Variants in EXD2 observed in about 807,000 individuals in gnomAD.
The protein encoded by EXD2 is exonuclease 3'-5' domain containing 2.
Under a neutral mutation model 62.5 loss-of-function variants are expected in EXD2, and 40 were observed. The observed-to-expected ratio is 0.64, with a 90% CI of 0.50 to 0.83. The LOEUF (loss-of-function observed/expected upper bound fraction) is 0.83. EXD2 is among the 40% of genes least tolerant of loss of function. The probability of loss-of-function intolerance (pLI) is 0.00; values close to 1 mark genes in which losing one functional copy is unlikely to be tolerated. For missense variants in EXD2, 671 were observed against 761.8 expected (o/e 0.88, Z 1.40); for synonymous variants, 239 against 291.9 (o/e 0.82, Z 1.85).
intron 3 of EXD2, among the ~76,000 whole-genome samples, chr14:69,222,908 A>T (rs2043233987): frequency 6.6e-6 from 1 of 152,218 alleles, no homozygotes; most frequent in African/African-American, 2.4e-5. Flanking sequence ...GCTTCAGTTG[A>T]AAAGACATAT....
Position 69,225,846 on chromosome 14 carries a change from A to T in EXD2, c.334-2970A>T, listed in dbSNP as rs552128834. On this transcript the variant is annotated intron_variant, in intron 3 of 9. Coordinates refer to ENST00000685843, the MANE Select transcript of EXD2 (RefSeq NM_001193360.2). The stretch of plus-strand genomic sequence containing the variant: ...CATTATTCTTCCAATTATATATTCA[A>T]TATAAGTTATGTACCTAGTGGAATC... Among the ~76,000 whole-genome samples the T allele has an allele frequency of 3.2e-4, 49 of 152,334 alleles. 1 individual carries two copies. The highest frequency in any genetic ancestry group is 3.4e-3 in the Middle Eastern group (1 of 294).
At chr14:69,201,679 T>TG (rs1566816512) in intron 1 of EXD2, among the ~76,000 whole-genome samples, 7 of 129,940 alleles carry the variant, frequency 5.4e-5, no homozygotes, top group African/African-American at 2.2e-4. Flanking sequence ...TCTGTTTTTT[T>TG]TTTTTTTTTT....
chr14:69,202,714 C>G (rs1385458660), intron 1 of EXD2, among the ~76,000 whole-genome samples: 2 of 152,164 alleles, frequency 1.3e-5, no homozygotes, highest in Non-Finnish European at 2.9e-5. Flanking sequence ...ATGTTATTTT[C>G]TCTGAAAACA....
chr14:69,220,959 T>C (rs2043165942), intron 3 of EXD2, among the ~76,000 whole-genome samples: 1 of 152,094 alleles, frequency 6.6e-6, no homozygotes, highest in Non-Finnish European at 1.5e-5. Context: ...CTCAAATTCC[T>C]GGGCTCAAGC....
At chr14:69,222,086 CAA>C (rs749899197) in intron 3 of EXD2, among the ~76,000 whole-genome samples, 12 of 129,372 alleles carry the variant, frequency 9.3e-5, no homozygotes, top group Admixed American at 7.9e-5. Flanking sequence ...GACTCTATCT[CAA>C]AAAAAAAAAA....
chr14:69,198,946 T>A (rs1330223650), intron 1 of EXD2, among the ~76,000 whole-genome samples: 1 of 152,198 alleles, frequency 6.6e-6, no homozygotes, highest in Non-Finnish European at 1.5e-5. Flanking sequence ...AAATGTGGTA[T>A]AAAAGCTAAA....
At chr14:69,235,908 T>A (rs1472775713) in intron 6 of EXD2, 138 bp from the exon 7 acceptor site, 1 of 750,692 alleles carries the variant, frequency 1.3e-6, no homozygotes, top group African/African-American at 1.7e-5. Flanking sequence ...TTTCTCACTC[T>A]GTTTTTTCCA....
chr14:69,236,725 C>A (rs1472860447), intron 8 of EXD2, among the ~76,000 whole-genome samples, 183 bp downstream of exon 8: 1 of 152,192 alleles, frequency 6.6e-6, no homozygotes, highest in African/African-American at 2.4e-5. Context: ...GGCCCTTACC[C>A]CTCCTGAGCC....
chr14:69,225,846 A>G (rs552128834), intron 3 of EXD2, among the ~76,000 whole-genome samples: 3 of 152,216 alleles, frequency 2.0e-5, no homozygotes, highest in Non-Finnish European at 4.4e-5. Context: ...TATATATTCA[A>G]TATAAGTTAT....
intron 1 of EXD2, among the ~76,000 whole-genome samples, chr14:69,201,376 A>C (rs1594726356): frequency 1.3e-5 from 2 of 152,030 alleles, no homozygotes; most frequent in South Asian, 4.2e-4. Context: ...TTTATTAAAG[A>C]TGGGGTTTCA....
At chr14:69,235,879 A>G in intron 6 of EXD2, 167 bp from the exon 7 acceptor site, 1 of 677,570 alleles carries the variant, frequency 1.5e-6, no homozygotes, top group Non-Finnish European at 2.7e-6. Flanking sequence ...AGCCCAGTGC[A>G]GGTGAGGATT....
intron 1 of EXD2, among the ~76,000 whole-genome samples, chr14:69,203,208 GCCA>G: frequency 6.6e-6 from 1 of 151,602 alleles, no homozygotes; most frequent in East Asian, 2.0e-4. Context: ...ATAGGTGCAT[GCCA>G]CCATGCCTGG....
chr14:69,222,405 C>A (rs1566830888), intron 3 of EXD2, among the ~76,000 whole-genome samples: 1 of 152,174 alleles, frequency 6.6e-6, no homozygotes, highest in African/African-American at 2.4e-5. Context: ...AATCTGACAT[C>A]TTTCCATATT....
At chr14:69,217,647 G>A (rs1445614438) in intron 3 of EXD2, among the ~76,000 whole-genome samples, 2 of 151,630 alleles carry the variant, frequency 1.3e-5, no homozygotes, top group Non-Finnish European at 2.9e-5. Flanking sequence ...CCATTAACTC[G>A]TCATTTACAT....
chr14:69,209,691 T>G lies in EXD2; in HGVS notation c.221T>G (p.Ile74Ser). Residue 74 changes from isoleucine (I) to serine (S), a missense_variant, in exon 3 of 10, where the codon ATC becomes AGC. Ile to Ser is a moderately radical substitution (Grantham distance 142). Transcript: ENST00000685843. ...SAPRSSWKER[I>S]LKAKVVTVSQ... ...CCCAGATCCTCGTGGAAGGAACGGA[T>G]CCTTAAAGCAAAGGTGGTGACGGTG... The G allele has an allele frequency of 6.4e-7, 1 of 1,550,524 alleles. No homozygotes were observed. The highest frequency in any genetic ancestry group is 8.7e-7 in the Non-Finnish European group (1 of 1,146,990).
intron 2 of EXD2, among the ~76,000 whole-genome samples, chr14:69,208,359 C>T (rs1253765723): frequency 6.6e-6 from 1 of 151,960 alleles, no homozygotes; most frequent in Non-Finnish European, 1.5e-5. Flanking sequence ...AACAGGCGCC[C>T]GCCACCACGC....
chr14:69,207,606 G>GC (rs1317244060), intron 2 of EXD2, among the ~76,000 whole-genome samples: 2 of 152,240 alleles, frequency 1.3e-5, no homozygotes, highest in African/African-American at 4.8e-5. Flanking sequence ...GCAGCTGATT[G>GC]CTCTGTCTTT....
At position 69,243,384 on chromosome 14, in the gene EXD2, G is replaced by C. The variant is rs1346100760; in HGVS notation, c.*2284G>C. On this transcript the variant is annotated 3_prime_UTR_variant, in exon 10 of 10. Coordinates refer to ENST00000685843, the MANE Select transcript of EXD2 (RefSeq NM_001193360.2). ...TGATATGTTTATGAATTTCCTTTCA[G>C]TATTAAAAAGTGCATATAAGGTGTA... The C allele has an allele frequency of 6.6e-6, 1 of 152,148 alleles. No individual in the cohort carries two copies. Among genetic ancestry groups the C allele is most frequent in the African/African-American group, 2.4e-5 (1 of 41,426 alleles). 9.4% of individuals were successfully genotyped at this position (152,148 alleles called of 1,614,324 possible). A position where few individuals can be genotyped will look rare whatever the true frequency, so the allele number is the denominator to read the frequency against.
chr14:69,199,851 A>G (rs2042330389), intron 1 of EXD2, among the ~76,000 whole-genome samples: 1 of 152,214 alleles, frequency 6.6e-6, no homozygotes, highest in Admixed American at 6.5e-5. Context: ...TTTTATAAGT[A>G]GAAGGAGTAC....
Sources: gnomAD v4.1 joint callset for allele counts (sites outside exome capture counted in the v4.1 genomes callset) on GRCh38, gnomAD v4.1.1 for gene constraint, MANE v1.5 for transcripts, NCBI Gene and HGNC (gene_info 2026-07-23, HGNC 2026-07-21) for gene names.